Variants in PPIL4 observed in about 807,000 individuals in gnomAD.
The protein encoded by PPIL4 is peptidyl-prolyl cis-trans isomerase-like 4.
A neutral mutation model predicts 69.1 loss-of-function variants in PPIL4; 50 were observed. That is an observed-to-expected ratio of 0.72 (90% CI 0.58 to 0.92). The LOEUF is 0.92. Among genes scored for constraint, PPIL4 ranks in the 40% least tolerant of loss-of-function variants. PPIL4 has a pLI of 0.00. For synonymous variants in PPIL4, 193 were observed against 191.6 expected (o/e 1.01, Z -0.06); for missense variants, 480 against 587.9 (o/e 0.82, Z 1.90).
At position 149,505,643 on chromosome 6, in the gene PPIL4, T is replaced by C. The variant is rs1776759463; in HGVS notation, c.1289A>G (p.Gln430Arg). The change falls in exon 13 of 13, where the codon CAA becomes CGA. Residue 430 changes from glutamine to arginine, a missense_variant. Physicochemically the swap from Gln to Arg is conservative, Grantham distance 43 (BLOSUM62 1). Transcript: ENST00000253329. ...AGTTCGGTCTCTCTTTTCACTCTTT[T>C]GTTTCTCCCAACAGCTTTCTTCTTC... is the stretch of plus-strand genomic sequence containing the variant. ...YEEEESCWEK[Q>R]KSEKRDRTQN... is the part of the protein sequence containing the mutation. 6.2e-7 allele frequency: 1 copy of C among 1,614,140 alleles called. No individual in the cohort carries two copies. Among genetic ancestry groups the C allele is most frequent in the South Asian group, 1.1e-5 (1 of 91,088 alleles).
intron 9 of PPIL4, 28 bp downstream of exon 9, chr6:149,525,115 C>A: frequency 8.3e-7 from 1 of 1,199,592 alleles, no homozygotes; most frequent in Admixed American, 2.3e-5. Flanking sequence ...CAAATAAATA[C>A]CAAACTTATG....
intron 12 of PPIL4, among the ~76,000 whole-genome samples, chr6:149,506,765 T>C (rs1776777147): frequency 6.6e-6 from 1 of 152,118 alleles, no homozygotes; most frequent in Non-Finnish European, 1.5e-5. Context: ...TGGCTAATTT[T>C]TGTATTTTTT....
At chr6:149,530,661 A>G (rs1361640668) in intron 7 of PPIL4, among the ~76,000 whole-genome samples, 1 of 144,146 alleles carries the variant, frequency 6.9e-6, no homozygotes, top group Non-Finnish European at 1.5e-5. Flanking sequence ...TCCATCTCGG[A>G]AAAAAAAAAA....
intron 1 of PPIL4, among the ~76,000 whole-genome samples, chr6:149,543,399 A>G (rs900567462): frequency 1.3e-5 from 2 of 152,206 alleles, no homozygotes; most frequent in African/African-American, 4.8e-5. Context: ...TTTTCAAGGA[A>G]AAAAGGGGGA....
At chr6:149,532,439 G>A (rs1042421134) in intron 7 of PPIL4, among the ~76,000 whole-genome samples, 2 of 152,108 alleles carry the variant, frequency 1.3e-5, no homozygotes, top group African/African-American at 4.8e-5. Context: ...TTCAAGTGTA[G>A]TAATTCTCTT....
chr6:149,541,622 TC>T, intron 1 of PPIL4, 36 bp from the exon 2 acceptor site: 1 of 1,119,744 alleles, frequency 8.9e-7, no homozygotes, highest in Non-Finnish European at 1.4e-6. Flanking sequence ...ATCACAGTAA[TC>T]CACAAACACA....
At chr6:149,527,747 T>A (rs758124015) in intron 7 of PPIL4, among the ~76,000 whole-genome samples, 19 of 152,220 alleles carry the variant, frequency 1.2e-4, no homozygotes, top group Non-Finnish European at 2.5e-4. Flanking sequence ...TGCAACTCTA[T>A]CACATTTAGA....
At chr6:149,531,588 AG>A (rs1204791324) in intron 7 of PPIL4, among the ~76,000 whole-genome samples, 1 of 152,170 alleles carries the variant, frequency 6.6e-6, no homozygotes, top group Non-Finnish European at 1.5e-5. Flanking sequence ...ATAAGTCACG[AG>A]CTGGATTCTA....
In PPIL4 at chr6:149,512,291, T is replaced by A; in HGVS notation, c.1091A>T (p.Asp364Val). Residue 364 changes from aspartate to valine, a missense_variant, in exon 12 of 13, where the codon GAT becomes GTT. Transcript: ENST00000253329. ...KVKPKQDTKYDLILDEQAEDS... is the reference protein window; with the variant it reads ...KVKPKQDTKYVLILDEQAEDS... ...TTCGGCCTGCTCATCTAATATAAGA[T>A]CGTATTTTGTACTGCAGTAGTTAGT... 6.2e-7 allele frequency: 1 copy of A among 1,611,926 alleles called. No individual in the cohort carries two copies. Among genetic ancestry groups the A allele is most frequent in the Admixed American group, 1.7e-5 (1 of 59,824 alleles).
At chr6:149,527,373 A>C (rs1777124086) in intron 7 of PPIL4, among the ~76,000 whole-genome samples, 1 of 152,204 alleles carries the variant, frequency 6.6e-6, no homozygotes, top group Non-Finnish European at 1.5e-5. Context: ...AATAAAATAA[A>C]GACAAGTAAA....
chr6:149,505,230 C>A lies in PPIL4; in HGVS notation c.*223G>T. ...TGTAAGACTTCAAAAATGAAGACTA[C>A]CATTTATGTATAACAATAAAATTAG... On this transcript the variant is annotated 3_prime_UTR_variant, in exon 13 of 13. Transcript: ENST00000253329. The A allele has an allele frequency of 2.5e-6, 1 of 403,170 alleles. No individual in the cohort carries two copies. Among genetic ancestry groups the A allele is most frequent in the Non-Finnish European group, 4.4e-6 (1 of 227,568 alleles). 25.0% of individuals were successfully genotyped at this position (403,170 alleles called of 1,614,324 possible).
In PPIL4 at chr6:149,536,039, A is replaced by G. The variant is rs1777270375; in HGVS notation, c.322-301T>C. ...GGCTCACTTCATGTTTCTGGCTCAC[A>G]TTTTGGTGATTCTCACAAGATTTCA... On this transcript the variant is annotated intron_variant, in intron 4 of 12. Transcript: ENST00000253329. 6.6e-5 allele frequency among the ~76,000 whole-genome samples: 10 copies of G among 152,230 alleles called. 1 individual carries two copies. The South Asian group carries it at 2.1e-3, about 32-fold the overall frequency.
chr6:149,531,693 G>A (rs529450744), intron 7 of PPIL4, among the ~76,000 whole-genome samples: 90 of 151,728 alleles, frequency 5.9e-4, no homozygotes, highest in African/African-American at 2.1e-3. Context: ...TTTTTGAGAC[G>A]GAGTCTCGCC....
At chr6:149,506,940 T>C (rs776935881) in intron 12 of PPIL4, among the ~76,000 whole-genome samples, 1 of 152,094 alleles carries the variant, frequency 6.6e-6, no homozygotes, top group Non-Finnish European at 1.5e-5. Context: ...TTAAAATGAG[T>C]TTTTAAACAC....
intron 6 of PPIL4, among the ~76,000 whole-genome samples, chr6:149,533,999 T>C (rs993870917): frequency 1.3e-5 from 2 of 151,650 alleles, no homozygotes; most frequent in African/African-American, 2.4e-5. Context: ...CTACTAAAAA[T>C]ACAAAAATTA....
At chr6:149,509,083 A>C (rs1017175715) in intron 12 of PPIL4, among the ~76,000 whole-genome samples, 14 of 152,218 alleles carry the variant, frequency 9.2e-5, no homozygotes, top group Non-Finnish European at 1.2e-4. Context: ...TATATCATTA[A>C]ATCAAAGTAC....
At position 149,541,393 on chromosome 6, in the gene PPIL4, A is replaced by G; in HGVS notation, c.177T>C (p.Thr59=). Residue 59 remains threonine (T), a synonymous_variant, in exon 3 of 13, where the codon ACT becomes ACC. Coordinates refer to ENST00000253329, the MANE Select transcript of PPIL4 (RefSeq NM_139126.4). ...FIIQTGDPTG[T]GRGGESIFGQ... is the part of the protein sequence containing the mutation. Reference sequence around the variant, plus strand: ...CAAAGATAGACTCTCCTCCACGGCCAGTCCCTGTAGGATCGCCAGTTTGTA... The same window carrying G: ...CAAAGATAGACTCTCCTCCACGGCCGGTCCCTGTAGGATCGCCAGTTTGTA... 1 of 1,489,786 alleles carries G rather than the reference A, an allele frequency of 6.7e-7. No homozygotes were observed. Among genetic ancestry groups the G allele is most frequent in the Non-Finnish European group, 9.0e-7 (1 of 1,105,800 alleles). 92.3% of individuals were successfully genotyped at this position (1,489,786 alleles called of 1,614,324 possible).
At chr6:149,526,938 C>T (rs1777116525) in intron 7 of PPIL4, among the ~76,000 whole-genome samples, 162 bp from the exon 8 acceptor site, 2 of 152,248 alleles carry the variant, frequency 1.3e-5, no homozygotes, top group Admixed American at 6.5e-5. Flanking sequence ...ATTTGAACTA[C>T]ACTGTTCCTA....
At position 149,517,337 on chromosome 6, in the gene PPIL4, A is replaced by C. The variant is rs777637073; in HGVS notation, c.1079+17T>G. ...ATGGTCAATACATATTAACTAACTG[A>C]TTCTTGGTAAGGATACTCCTGTTTG... is the stretch of plus-strand genomic sequence containing the variant. On this transcript the variant is annotated intron_variant, in intron 11 of 12. Transcript: ENST00000253329. The C allele has an allele frequency of 2.2e-6, 3 of 1,373,634 alleles. No homozygotes were observed. The African/African-American group carries it at 4.3e-5, about 20-fold the overall frequency. The allele number at this position is 1,373,634 out of a possible 1,614,324, so 85.1% of individuals were successfully genotyped here.
Sources: allele counts gnomAD v4.1 joint callset (sites outside exome capture counted in the v4.1 genomes callset), GRCh38; gene constraint gnomAD v4.1.1; transcripts MANE v1.5; gene names NCBI Gene and HGNC (gene_info 2026-07-23, HGNC 2026-07-21).